The following ROCK2 variants were observed in gnomAD, a reference collection of about 807,000 sequenced individuals.
The protein encoded by ROCK2 is rho-associated protein kinase 2.
A neutral mutation model predicts 195.1 loss-of-function variants in ROCK2; 61 were observed. The observed-to-expected ratio is 0.31, with a 90% CI of 0.25 to 0.39. The LOEUF (loss-of-function observed/expected upper bound fraction) is 0.39. ROCK2 is among the 10% of genes least tolerant of loss of function. The probability of loss-of-function intolerance (pLI) is 1.00; values close to 1 mark genes in which losing one functional copy is unlikely to be tolerated. For missense variants in ROCK2, 1,109 were observed against 1,637.4 expected (o/e 0.68, Z 5.57); for synonymous variants, 504 against 545.5 (o/e 0.92, Z 1.06).
At chr2:11,184,687 C>A (rs1400009314) in intron 32 of ROCK2, 17 of 984,040 alleles carry the variant, frequency 1.7e-5, no homozygotes, top group Non-Finnish European at 2.1e-5. Flanking sequence ...CTTCAGAAAT[C>A]AAAAACATCG....
At chr2:11,333,452 T>C (rs1202964521) in intron 1 of ROCK2, among the ~76,000 whole-genome samples, 1 of 152,106 alleles carries the variant, frequency 6.6e-6, no homozygotes, top group Non-Finnish European at 1.5e-5. Context: ...CTATCACAGC[T>C]CTAAATTCCA....
intron 1 of ROCK2, among the ~76,000 whole-genome samples, chr2:11,337,558 G>C (rs573938427): frequency 9.9e-5 from 15 of 152,026 alleles, no homozygotes; most frequent in Admixed American, 7.9e-4. Flanking sequence ...GGGAAGATGT[G>C]GAGCAACTGG....
intron 32 of ROCK2, among the ~76,000 whole-genome samples, chr2:11,186,413 T>C (rs1055664014): frequency 1.3e-5 from 2 of 152,228 alleles, no homozygotes; most frequent in African/African-American, 4.8e-5. Flanking sequence ...GTCTAATCGC[T>C]AGATGCGACT....
At chr2:11,234,263 T>A (rs1387789110) in intron 5 of ROCK2, 2 of 152,152 alleles carry the variant, frequency 1.3e-5, no homozygotes, top group Non-Finnish European at 2.9e-5. Flanking sequence ...ATTCTTCTTC[T>A]CTACACCTTG....
At chr2:11,268,495 T>TGTGTGC (rs1666502082) in intron 3 of ROCK2, among the ~76,000 whole-genome samples, 1 of 149,086 alleles carries the variant, frequency 6.7e-6, no homozygotes, top group Admixed American at 6.7e-5. Context: ...TCCTTGTGTG[T>TGTGTGC]GTGTGTGTGT....
rs34888376 is a variant in ROCK2 at position 11,258,052 on chromosome 2, CT to C, written c.325-8255del. 3.5e-4 allele frequency among the ~76,000 whole-genome samples: 52 copies of C among 147,826 alleles called. 1 individual carries two copies. The highest frequency in any genetic ancestry group is 6.8e-3 in the Middle Eastern group (2 of 292). ...TTTTTAAAATCTGTTTAAGGAGGAA[CT>C]TTTTTTTTTAAGAAACAAAAACTCT... On this transcript the variant is annotated intron_variant, in intron 3 of 32. Transcript: ENST00000315872.
At position 11,216,114 on chromosome 2, in the gene ROCK2, T is replaced by C. The variant is rs770350081; in HGVS notation, c.1461+44A>G. ...CCTTAGGTAAGTCAGACATCAAAGATTTTTACTAACAAAAATGTTAATAAA... is the reference window on the plus strand; with the variant it reads ...CCTTAGGTAAGTCAGACATCAAAGACTTTTACTAACAAAAATGTTAATAAA... On this transcript the variant is annotated intron_variant, in intron 13 of 32. Coordinates refer to ENST00000315872, the MANE Select transcript of ROCK2 (RefSeq NM_004850.5). The C allele has an allele frequency of 2.6e-6, 4 of 1,526,296 alleles. No individual in the cohort carries two copies. The East Asian group carries it at 9.0e-5, about 34-fold the overall frequency. 94.5% of individuals were successfully genotyped at this position (1,526,296 alleles called of 1,614,324 possible). A position where few individuals can be genotyped will look rare whatever the true frequency, so the allele number is the denominator to read the frequency against.
chr2:11,344,489 ACCGCC>A lies in ROCK2; in HGVS notation c.-358_-354del, dbSNP rs923374467. ...TGGCGCCGCCACCGCCGCGGCCCGG[ACCGCC>A]CCGCCCTCTGGGGCCCCGGGAGGCT... On this transcript the variant is annotated 5_prime_UTR_variant, in exon 1 of 33. Transcript: ENST00000315872. This position sits in a 1 kb window ranked among gnomAD's most constrained non-coding sequence, Gnocchi z 5.4. The A allele has an allele frequency of 5.0e-6, 5 of 991,698 alleles. No individual in the cohort carries two copies. In the African/African-American group the frequency reaches 8.8e-5, roughly 17 times the overall value. 61.4% of individuals were successfully genotyped at this position (991,698 alleles called of 1,614,324 possible). A position where few individuals can be genotyped will look rare whatever the true frequency, so the allele number is the denominator to read the frequency against.
At chr2:11,332,131 C>T (rs910940534) in intron 1 of ROCK2, among the ~76,000 whole-genome samples, 1 of 151,758 alleles carries the variant, frequency 6.6e-6, no homozygotes, top group South Asian at 2.1e-4. Flanking sequence ...CAGAGTGAGA[C>T]CCCATCTCTT....
At position 11,197,010 on chromosome 2, in the gene ROCK2, T is replaced by A. The variant is rs1330698150; in HGVS notation, c.3448+170A>T. On this transcript the variant is annotated intron_variant, in intron 27 of 32. Transcript: ENST00000315872. This position sits in a 1 kb window ranked among gnomAD's most constrained non-coding sequence, Gnocchi z 4.9. ...TTTATGAAAAACTTTGTAAAAAAAA[T>A]CAATAAATAAAATAAGTTTGAAATG... is the stretch of plus-strand genomic sequence containing the variant. 2.0e-5 allele frequency among the ~76,000 whole-genome samples: 3 copies of A among 152,106 alleles called. No homozygotes were observed. The highest frequency in any genetic ancestry group is 6.6e-5 in the Admixed American group (1 of 15,262).
intron 1 of ROCK2, among the ~76,000 whole-genome samples, chr2:11,292,202 C>G (rs1667383837): frequency 6.6e-6 from 1 of 152,146 alleles, no homozygotes; most frequent in Non-Finnish European, 1.5e-5. Context: ...ACCTAGCATT[C>G]AGCATGACCA....
chr2:11,214,225 A>C, intron 17 of ROCK2, 132 bp downstream of exon 17: 1 of 599,380 alleles, frequency 1.7e-6, no homozygotes, highest in South Asian at 2.0e-5. Context: ...CTACACATCA[A>C]GTCCAAATCA....
At chr2:11,240,321 C>A (rs1441044765) in intron 4 of ROCK2, among the ~76,000 whole-genome samples, 1 of 152,180 alleles carries the variant, frequency 6.6e-6, no homozygotes. Flanking sequence ...AACAAAGACA[C>A]TCCTATCACT....
At chr2:11,225,968 T>A (rs1350703164) in intron 6 of ROCK2, among the ~76,000 whole-genome samples, 1 of 152,208 alleles carries the variant, frequency 6.6e-6, no homozygotes, top group African/African-American at 2.4e-5. Context: ...GTAATTATTA[T>A]TTAAATTTGC....
At chr2:11,301,894 A>G (rs1405922751) in intron 1 of ROCK2, among the ~76,000 whole-genome samples, 1 of 152,000 alleles carries the variant, frequency 6.6e-6, no homozygotes, top group Non-Finnish European at 1.5e-5. Flanking sequence ...TTCCCTCTGT[A>G]TAAGTCATTC....
At chr2:11,256,218 G>A (rs1666029270) in intron 3 of ROCK2, among the ~76,000 whole-genome samples, 1 of 151,206 alleles carries the variant, frequency 6.6e-6, no homozygotes, top group South Asian at 2.1e-4. Flanking sequence ...CCAAATTTCA[G>A]GTCAAATTGT....
intron 4 of ROCK2, among the ~76,000 whole-genome samples, chr2:11,241,315 T>G (rs1252548104): frequency 6.6e-6 from 1 of 151,898 alleles, no homozygotes; most frequent in Non-Finnish European, 1.5e-5. Context: ...AAAAAAAGAC[T>G]GGTGGGAAAA....
chr2:11,192,397 T>G lies in ROCK2; in HGVS notation c.3950-36A>C, dbSNP rs560570357. The G allele has an allele frequency of 3.1e-6, 5 of 1,604,424 alleles. No homozygotes were observed. The South Asian group carries it at 4.5e-5, about 14-fold the overall frequency. ...AAATTAGAAAAAAAAATTAATGTGC[T>G]TAAAATGATCTGAACATAACCAATA... On this transcript the variant is annotated intron_variant, in intron 31 of 32. Transcript: ENST00000315872. This position sits in a 1 kb window ranked among gnomAD's most constrained non-coding sequence, Gnocchi z 5.0.
intron 27 of ROCK2, among the ~76,000 whole-genome samples, chr2:11,195,774 C>A (rs899569826): frequency 3.9e-5 from 6 of 152,196 alleles, no homozygotes; most frequent in African/African-American, 1.4e-4. Context: ...CTCAGCCTCT[C>A]AAAGTGCTAG....
Sources: gnomAD v4.1 joint callset for allele counts (sites outside exome capture counted in the v4.1 genomes callset) on GRCh38, gnomAD v4.1.1 for gene constraint, Gnocchi (gnomAD v3.1) non-coding constraint, MANE v1.5 for transcripts, NCBI Gene and HGNC (gene_info 2026-07-23, HGNC 2026-07-21) for gene names.